Variants in IL1RAPL1 observed in about 807,000 individuals in gnomAD.
IL1RAPL1 encodes interleukin-1 receptor accessory protein-like 1.
A neutral mutation model predicts 48.4 loss-of-function variants in IL1RAPL1; 3 were observed. The observed-to-expected ratio is 0.06, with a 90% CI of 0.03 to 0.16. IL1RAPL1 has a LOEUF of 0.16. Ranked by LOEUF, IL1RAPL1 falls within the 10% of genes least tolerant of loss-of-function variation. The pLI is 1.00. For missense variants in IL1RAPL1, 349 were observed against 530.6 expected (o/e 0.66, Z 3.36); for synonymous variants, 185 against 187.7 (o/e 0.99, Z 0.12).
intron 2 of IL1RAPL1, among the ~76,000 whole-genome samples, chrX:29,227,868 T>A (rs1931110971): frequency 9.0e-6 from 1 of 111,267 alleles, no homozygotes; most frequent in Non-Finnish European, 1.9e-5. Context: ...TCTTCATGAT[T>A]ACATTGTTTA....
chrX:29,606,457 T>A (rs1012342096), intron 5 of IL1RAPL1, among the ~76,000 whole-genome samples: 7 of 112,067 alleles, frequency 6.2e-5, no homozygotes, highest in African/African-American at 2.3e-4. Context: ...TTCTAAACAA[T>A]GTCTGTGATG....
chrX:28,633,267 T>C (rs910793240), intron 1 of IL1RAPL1, among the ~76,000 whole-genome samples: 34 of 111,222 alleles, frequency 3.1e-4, no homozygotes, highest in African/African-American at 1.0e-3. Flanking sequence ...GTACAGACTT[T>C]GCAGAGCCTC....
intron 6 of IL1RAPL1, among the ~76,000 whole-genome samples, chrX:29,738,645 G>A (rs1928116964): frequency 9.1e-6 from 1 of 109,725 alleles, no homozygotes; most frequent in East Asian, 2.9e-4. Flanking sequence ...TCACTGTGTT[G>A]CCCAGGCTGG....
At chrX:29,586,420 G>T (rs1157902516) in intron 5 of IL1RAPL1, among the ~76,000 whole-genome samples, 2 of 111,303 alleles carry the variant, frequency 1.8e-5, no homozygotes, top group Non-Finnish European at 3.8e-5. Flanking sequence ...TGTCTTTATG[G>T]CATTACCATA....
intron 1 of IL1RAPL1, among the ~76,000 whole-genome samples, chrX:28,639,390 T>C (rs1934507391): frequency 8.9e-6 from 1 of 112,370 alleles, no homozygotes; most frequent in African/African-American, 3.2e-5. Flanking sequence ...CTCAATTACC[T>C]GACCTTCAGC....
chrX:28,756,225 C>G (rs1936103272), intron 1 of IL1RAPL1, among the ~76,000 whole-genome samples: 1 of 111,627 alleles, frequency 9.0e-6, no homozygotes, highest in African/African-American at 3.3e-5. Context: ...GTTTCTTGTT[C>G]TGTTTCCTTT....
chrX:29,909,953 C>G (rs1018002545), intron 6 of IL1RAPL1, among the ~76,000 whole-genome samples: 1 of 111,438 alleles, frequency 9.0e-6, no homozygotes, highest in Non-Finnish European at 1.9e-5. Context: ...AAGACACATG[C>G]ATGCGTACGT....
At chrX:29,312,434 A>G (rs980799405) in intron 3 of IL1RAPL1, among the ~76,000 whole-genome samples, 57 of 111,406 alleles carry the variant, frequency 5.1e-4, no homozygotes, top group African/African-American at 1.7e-3. Context: ...TAAAAAAACA[A>G]AAAGGGTGCC....
intron 8 of IL1RAPL1, among the ~76,000 whole-genome samples, chrX:29,932,113 T>C (rs1040360171): frequency 5.3e-5 from 6 of 112,346 alleles, no homozygotes; most frequent in African/African-American, 1.9e-4. Flanking sequence ...CCCATCATAC[T>C]TAATCTTATG....
chrX:28,837,402 A>G (rs1921249072), intron 2 of IL1RAPL1, among the ~76,000 whole-genome samples: 1 of 111,383 alleles, frequency 9.0e-6, no homozygotes, highest in Non-Finnish European at 1.9e-5. Flanking sequence ...AGGCCTACTT[A>G]TAATTCTGTA....
intron 2 of IL1RAPL1, among the ~76,000 whole-genome samples, chrX:28,931,002 G>A (rs948605690): frequency 6.3e-5 from 7 of 110,799 alleles, no homozygotes; most frequent in Middle Eastern, 4.6e-3. Flanking sequence ...AGGAAATACC[G>A]GCTATAAGCA....
chrX:28,900,342 T>G (rs1193019415), intron 2 of IL1RAPL1, among the ~76,000 whole-genome samples: 1 of 111,938 alleles, frequency 8.9e-6, no homozygotes, highest in East Asian at 2.8e-4. Flanking sequence ...AATAGGGCCA[T>G]TAAATTACGG....
At chrX:29,824,634 A>C (rs1930693201) in intron 6 of IL1RAPL1, among the ~76,000 whole-genome samples, 1 of 112,050 alleles carries the variant, frequency 8.9e-6, no homozygotes, top group Non-Finnish European at 1.9e-5. Context: ...CACAAGACTA[A>C]TTTTTCTAAC....
chrX:29,406,238 A>T (rs780346919), intron 5 of IL1RAPL1, among the ~76,000 whole-genome samples: 1 of 110,498 alleles, frequency 9.0e-6, no homozygotes, highest in South Asian at 3.9e-4. Flanking sequence ...AAATACAAAA[A>T]ATTAGCCGGG....
intron 6 of IL1RAPL1, among the ~76,000 whole-genome samples, chrX:29,837,276 T>A (rs5928500): frequency 0.18 from 10,441 of 58,557 alleles, 1,073 homozygotes; most frequent in African/African-American, 0.28. Flanking sequence ...AAAAAAAATA[T>A]ATATATATAT....
At chrX:29,859,030 C>T (rs1931528107) in intron 6 of IL1RAPL1, among the ~76,000 whole-genome samples, 1 of 111,750 alleles carries the variant, frequency 8.9e-6, no homozygotes, top group Non-Finnish European at 1.9e-5. Context: ...TGCCTTGCTT[C>T]TCTGTACATC....
intron 6 of IL1RAPL1, among the ~76,000 whole-genome samples, chrX:29,752,933 A>G (rs774569482): frequency 8.9e-6 from 1 of 112,191 alleles, no homozygotes; most frequent in Non-Finnish European, 1.9e-5. Context: ...AATGTGTCCA[A>G]TATATTTGTC....
chrX:28,768,767 A>C (rs1427595555), intron 1 of IL1RAPL1, among the ~76,000 whole-genome samples: 1 of 80,901 alleles, frequency 1.2e-5, no homozygotes, highest in African/African-American at 4.3e-5. Context: ...ATATATATAT[A>C]TATATATATA....
At chrX:28,792,819 ATAT>A in intron 2 of IL1RAPL1, among the ~76,000 whole-genome samples, 1 of 41,845 alleles carries the variant, frequency 2.4e-5, no homozygotes, top group African/African-American at 1.4e-4. Flanking sequence ...AAAAAAAAAT[ATAT>A]ATATATATAT....
Sources: allele counts gnomAD v4.1 joint callset (sites outside exome capture counted in the v4.1 genomes callset), GRCh38; gene constraint gnomAD v4.1.1; transcripts MANE v1.5; gene names NCBI Gene and HGNC (gene_info 2026-07-23, HGNC 2026-07-21).